Variants in OSBPL10 observed in about 807,000 individuals in gnomAD.
OSBPL10 encodes oxysterol binding protein like 10, also known as oxysterol-binding protein-related protein 10.
A neutral mutation model predicts 81.7 loss-of-function variants in OSBPL10; 49 were observed. The ratio of observed to expected loss-of-function variants is 0.60; its 90% confidence interval spans 0.48 to 0.76. The LOEUF is 0.76. OSBPL10 is among the 30% of genes least tolerant of loss of function. The probability of loss-of-function intolerance (pLI) is 0.00; values close to 1 mark genes in which losing one functional copy is unlikely to be tolerated. For synonymous variants in OSBPL10, 419 were observed against 383.6 expected, an observed-to-expected ratio of 1.09 and a Z score of -1.08; for missense variants, 923 against 987.8, an observed-to-expected ratio of 0.93 and a Z score of 0.88.
At chr3:31,749,547 G>A (rs574840763) in intron 4 of OSBPL10, among the ~76,000 whole-genome samples, 1 of 152,310 alleles carries the variant, frequency 6.6e-6, no homozygotes, top group East Asian at 1.9e-4. Context: ...TTAGCTGCTT[G>A]CAGTGGCTCA....
intron 2 of OSBPL10, among the ~76,000 whole-genome samples, chr3:32,043,727 A>G (rs1222664262): frequency 1.3e-5 from 2 of 152,242 alleles, no homozygotes; most frequent in Non-Finnish European, 2.9e-5. Flanking sequence ...GCTAAAAGAC[A>G]CAGCCATAAA....
intron 2 of OSBPL10, among the ~76,000 whole-genome samples, chr3:32,035,634 A>C (rs1699510440): frequency 6.6e-6 from 1 of 152,114 alleles, no homozygotes; most frequent in South Asian, 2.1e-4. Flanking sequence ...TCTTTAAATA[A>C]AAATAGAGAA....
rs1575547549 is a variant in OSBPL10, at chr3:31,792,754, T to TGTGTGG, written c.729+37285_729+37286insCCACAC. Among the ~76,000 whole-genome samples the TGTGTGG allele has an allele frequency of 3.4e-5, 5 of 145,740 alleles. No homozygotes were observed. In the East Asian group the frequency reaches 1.0e-3, roughly 29 times the overall value. The stretch of plus-strand genomic sequence containing the variant: ...TCCAGACACAGAGTGTGTGTGTGTG[T>TGTGTGG]GTGTGTGTGTGTGTGTGTGTGTAAA... On this transcript the variant is annotated intron_variant, in intron 4 of 11. Transcript: ENST00000396556.
chr3:31,962,234 G>A (rs938296145), intron 1 of OSBPL10, among the ~76,000 whole-genome samples: 1 of 152,162 alleles, frequency 6.6e-6, no homozygotes, highest in Non-Finnish European at 1.5e-5. Flanking sequence ...TGGGATTACA[G>A]GTGGGAGCCA....
intron 3 of OSBPL10, among the ~76,000 whole-genome samples, chr3:31,856,858 T>C (rs561798267): frequency 6.6e-6 from 1 of 152,230 alleles, no homozygotes; most frequent in Admixed American, 6.5e-5. Flanking sequence ...GGAGGATCAC[T>C]TGAGGCCAGG....
intron 5 of OSBPL10, among the ~76,000 whole-genome samples, chr3:31,744,186 T>G (rs1423893715): frequency 1.3e-5 from 2 of 152,344 alleles, no homozygotes; most frequent in African/African-American, 4.8e-5. Flanking sequence ...GTGATCGTGA[T>G]GCTTCATGCT....
At chr3:31,818,339 C>T (rs1322710227) in intron 4 of OSBPL10, among the ~76,000 whole-genome samples, 1 of 152,176 alleles carries the variant, frequency 6.6e-6, no homozygotes, top group Non-Finnish European at 1.5e-5. Context: ...TGGCTCTTCC[C>T]TCATCTCCGG....
intron 3 of OSBPL10, among the ~76,000 whole-genome samples, chr3:31,868,313 T>TA (rs1701232695): frequency 6.6e-6 from 1 of 152,158 alleles, no homozygotes; most frequent in East Asian, 1.9e-4. Context: ...TGCAAGCTGT[T>TA]AGAGATGAAT....
intron 1 of OSBPL10, among the ~76,000 whole-genome samples, chr3:31,968,525 A>C (rs950363527): frequency 5.3e-5 from 8 of 152,194 alleles, no homozygotes; most frequent in African/African-American, 1.7e-4. Flanking sequence ...AAAAAAAAAA[A>C]AACACTTTAC....
chr3:32,014,818 C>T (rs1699298997), intron 2 of OSBPL10, among the ~76,000 whole-genome samples: 1 of 152,076 alleles, frequency 6.6e-6, no homozygotes, highest in Admixed American at 6.5e-5. Context: ...AACAGAGATC[C>T]AAATCATGAG....
At chr3:31,838,508 CAAAAAAAAAAAAAAAAAAAA>C (rs60893746) in intron 3 of OSBPL10, among the ~76,000 whole-genome samples, 2 of 95,698 alleles carry the variant, frequency 2.1e-5, no homozygotes, top group Admixed American at 1.1e-4. Flanking sequence ...AAGACTCTGT[CAAAAAAAAAAAAAAAAAAAA>C]AAAAAAAAAC....
chr3:32,007,580 G>C (rs1193217514), intron 2 of OSBPL10, among the ~76,000 whole-genome samples: 3 of 151,984 alleles, frequency 2.0e-5, no homozygotes, highest in Non-Finnish European at 4.4e-5. Context: ...CTCAACCTCT[G>C]TCTTCTCACT....
intron 8 of OSBPL10, among the ~76,000 whole-genome samples, chr3:31,676,361 T>C (rs1700474865): frequency 6.6e-6 from 1 of 151,588 alleles, no homozygotes; most frequent in Admixed American, 6.6e-5. Context: ...AAATATAAGT[T>C]ACTTCTTCAT....
chr3:31,725,349 G>C (rs770273676), intron 6 of OSBPL10, among the ~76,000 whole-genome samples: 2 of 152,142 alleles, frequency 1.3e-5, no homozygotes, highest in Non-Finnish European at 2.9e-5. Context: ...CTGATAGCTA[G>C]AAGGCATATC....
intron 3 of OSBPL10, among the ~76,000 whole-genome samples, chr3:31,838,742 A>G (rs1430787640): frequency 1.3e-5 from 2 of 150,836 alleles, no homozygotes; most frequent in African/African-American, 5.0e-5. Flanking sequence ...TTACTTTTTA[A>G]TATCAAAGGC....
chr3:31,985,813 C>T (rs1275937005), upstream of OSBPL10, among the ~76,000 whole-genome samples: 1 of 152,210 alleles, frequency 6.6e-6, no homozygotes, highest in Non-Finnish European at 1.5e-5. Flanking sequence ...ATGTGCTAGA[C>T]TCTGCTTTAA....
chr3:31,677,384 C>T (rs1020114859), intron 8 of OSBPL10, among the ~76,000 whole-genome samples: 6 of 152,166 alleles, frequency 3.9e-5, no homozygotes, highest in Admixed American at 3.3e-4. Context: ...CTCACAAGAA[C>T]GAGCCAAGGG....
intron 4 of OSBPL10, among the ~76,000 whole-genome samples, chr3:31,813,842 G>C (rs2125487995): frequency 6.6e-6 from 1 of 152,290 alleles, no homozygotes; most frequent in East Asian, 1.9e-4. Context: ...TCACGGGGCA[G>C]ATTCAGGGCA....
intron 4 of OSBPL10, among the ~76,000 whole-genome samples, chr3:31,828,972 A>G (rs569452023): frequency 6.6e-6 from 1 of 152,316 alleles, no homozygotes; most frequent in Non-Finnish European, 1.5e-5. Context: ...TCAAGAAAAA[A>G]AAATTGTCTT....
Sources: allele counts gnomAD v4.1 joint callset (sites outside exome capture counted in the v4.1 genomes callset), GRCh38; gene constraint gnomAD v4.1.1; transcripts MANE v1.5; gene names NCBI Gene and HGNC (gene_info 2026-07-23, HGNC 2026-07-21).